The following PCDHGA9 variants were observed in gnomAD, a reference collection of about 807,000 sequenced individuals.
The protein encoded by PCDHGA9 is protocadherin gamma-A9.
A neutral mutation model predicts 62.5 loss-of-function variants in PCDHGA9; 37 were observed. That is an observed-to-expected ratio of 0.59 (90% CI 0.46 to 0.78). The LOEUF is 0.78. Ranked by LOEUF, PCDHGA9 falls within the 30% of genes least tolerant of loss-of-function variation. PCDHGA9 has a pLI of 0.00. For synonymous variants in PCDHGA9, 459 were observed against 484.6 expected (o/e 0.95, Z 0.69); for missense variants, 1,138 against 1,166.2 (o/e 0.98, Z 0.35).
At chr5:141,452,421 C>A (rs1211472567) in intron 1 of PCDHGA9, among the ~76,000 whole-genome samples, 2 of 152,180 alleles carry the variant, frequency 1.3e-5, no homozygotes, top group Non-Finnish European at 2.9e-5. Context: ...ATGCTCACTG[C>A]TAATGGGCTG....
intron 1 of PCDHGA9, among the ~76,000 whole-genome samples, chr5:141,420,727 G>C (rs1454487477): frequency 2.0e-5 from 3 of 152,180 alleles, no homozygotes; most frequent in African/African-American, 7.2e-5. Flanking sequence ...CTTTCAGTCG[G>C]TTAAAATCAA....
At chr5:141,409,145 T>G (rs2095231039) in intron 1 of PCDHGA9, 1 of 1,613,884 alleles carries the variant, frequency 6.2e-7, no homozygotes, top group Non-Finnish European at 8.5e-7. Flanking sequence ...TGTAGAAAGG[T>G]ACACCATGGA....
intron 1 of PCDHGA9, chr5:141,409,913 G>C (rs769370742): frequency 1.9e-6 from 3 of 1,613,334 alleles, no homozygotes; most frequent in East Asian, 2.2e-5. Flanking sequence ...GGGTCCTGAC[G>C]GCTCCGCGTT....
chr5:141,427,099 A>G (rs989437547), intron 1 of PCDHGA9: 3 of 457,936 alleles, frequency 6.6e-6, no homozygotes, highest in African/African-American at 6.0e-5. Context: ...GAGGGTGTCA[A>G]TGCGGAGATC....
intron 1 of PCDHGA9, among the ~76,000 whole-genome samples, chr5:141,464,193 A>C (rs991769179): frequency 1.3e-5 from 2 of 149,674 alleles, no homozygotes; most frequent in Non-Finnish European, 3.0e-5. Flanking sequence ...TGATTTCAGG[A>C]GGCGGAGATT....
intron 1 of PCDHGA9, chr5:141,409,463 A>G (rs751200597): frequency 1.2e-6 from 2 of 1,613,744 alleles, no homozygotes; most frequent in Non-Finnish European, 1.7e-6. Context: ...ATACAATGTC[A>G]CCATCGTAGC....
chr5:141,499,191 C>A (rs920773306), intron 2 of PCDHGA9, among the ~76,000 whole-genome samples: 1 of 152,116 alleles, frequency 6.6e-6, no homozygotes, highest in Non-Finnish European at 1.5e-5. Context: ...ACCATTTCCC[C>A]CTTCTTAGGC....
chr5:141,430,383 GAAA>G (rs139772145), intron 1 of PCDHGA9, among the ~76,000 whole-genome samples: 9 of 138,566 alleles, frequency 6.5e-5, no homozygotes, highest in African/African-American at 2.4e-4. Context: ...AGCTCATTGG[GAAA>G]AAAAAAAAAA....
chr5:141,441,740 G>T (rs1241907865), intron 1 of PCDHGA9: 2 of 364,772 alleles, frequency 5.5e-6, no homozygotes, highest in Non-Finnish European at 1.1e-5. Context: ...ACTAGCTCGC[G>T]CTCGGCGTCA....
rs34152666 is a variant in PCDHGA9 at position 141,428,860 on chromosome 5, C to CT, written c.2424+23497dup. 6.7e-4 allele frequency: 98 copies of CT among 145,544 alleles called. 1 individual carries two copies. The highest frequency in any genetic ancestry group is 1.4e-3 in the East Asian group (7 of 4,990). 9.0% of individuals were successfully genotyped at this position (145,544 alleles called of 1,614,324 possible). On this transcript the variant is annotated intron_variant, in intron 1 of 3. Transcript: ENST00000573521. ...ACATTTTCACCATTTTTACGGGAGA[C>CT]TTTTTTTTTTTTTGGACGGAGTCTC...
At chr5:141,423,880 G>A in intron 1 of PCDHGA9, 1 of 1,282,292 alleles carries the variant, frequency 7.8e-7, no homozygotes, top group Middle Eastern at 2.9e-4. Context: ...TTTCAATCTT[G>A]GCATATTTTC....
intron 1 of PCDHGA9, among the ~76,000 whole-genome samples, chr5:141,494,113 C>G (rs2099751999): frequency 6.6e-6 from 1 of 152,214 alleles, no homozygotes; most frequent in Non-Finnish European, 1.5e-5. Flanking sequence ...TCAGACAGAG[C>G]AGCCTTGTTC....
At chr5:141,409,792 C>T in intron 1 of PCDHGA9, 1 of 1,612,068 alleles carries the variant, frequency 6.2e-7, no homozygotes, top group African/African-American at 1.3e-5. Flanking sequence ...CCTTCGCGCT[C>T]ACGCTGCAGG....
intron 1 of PCDHGA9, chr5:141,478,160 G>GC (rs764598056): frequency 3.7e-6 from 6 of 1,613,948 alleles, no homozygotes. Flanking sequence ...CTCTGGCTCT[G>GC]CCCCCCGGGA....
At chr5:141,459,984 A>G (rs906041823) in intron 1 of PCDHGA9, among the ~76,000 whole-genome samples, 4 of 152,216 alleles carry the variant, frequency 2.6e-5, no homozygotes, top group Non-Finnish European at 5.9e-5. Flanking sequence ...AGGCTGAGAC[A>G]GGAGAATCGC....
intron 1 of PCDHGA9, chr5:141,418,595 G>T (rs1331897624): frequency 5.6e-6 from 9 of 1,613,928 alleles, no homozygotes; most frequent in Non-Finnish European, 7.6e-6. Flanking sequence ...CAGCCAGGAC[G>T]TGTACAGGGT....
Position 141,486,178 on chromosome 5 carries a change from C to A in PCDHGA9, c.2425-8629C>A, listed in dbSNP as rs767840363. On this transcript the variant is annotated intron_variant, in intron 1 of 3. Transcript: ENST00000573521. This position sits in a 1 kb window ranked among gnomAD's most constrained non-coding sequence, Gnocchi z 5.0. ...CTCCAGCCATGGAGCAACATTGCAG[C>A]CTTCGAGTGGATCTGCTGGACGTAA... 1.2e-6 allele frequency: 2 copies of A among 1,614,194 alleles called. No homozygotes were observed. The highest frequency in any genetic ancestry group is 2.2e-5 in the East Asian group (1 of 44,882).
intron 1 of PCDHGA9, among the ~76,000 whole-genome samples, chr5:141,456,135 G>A (rs1422353665): frequency 6.6e-6 from 1 of 152,052 alleles, no homozygotes; most frequent in Non-Finnish European, 1.5e-5. Context: ...CTGACCTCCT[G>A]ATCCGCCCGC....
chr5:141,418,948 A>G (rs767664022), intron 1 of PCDHGA9: 1 of 1,614,042 alleles, frequency 6.2e-7, no homozygotes, highest in Non-Finnish European at 8.5e-7. Context: ...CCCCTCCAGG[A>G]GTGGTTGTTG....
Sources: gnomAD v4.1 joint callset for allele counts (sites outside exome capture counted in the v4.1 genomes callset) on GRCh38, gnomAD v4.1.1 for gene constraint, Gnocchi (gnomAD v3.1) non-coding constraint, MANE v1.5 for transcripts, NCBI Gene and HGNC (gene_info 2026-07-23, HGNC 2026-07-21) for gene names.